ZNF282: variants seen among roughly 807,000 people sequenced by gnomAD.
ZNF282 encodes the protein zinc finger protein 282.
In ZNF282, 30 loss-of-function variants were observed where a neutral mutation model predicts 61.9. The ratio of observed to expected loss-of-function variants is 0.48; its 90% confidence interval spans 0.36 to 0.66. ZNF282 has a LOEUF of 0.66. Among genes scored for constraint, ZNF282 ranks in the 30% least tolerant of loss-of-function variants. The probability of loss-of-function intolerance (pLI) is 0.00; values close to 1 mark genes in which losing one functional copy is unlikely to be tolerated. For synonymous variants in ZNF282, 396 were observed against 405.0 expected, an observed-to-expected ratio of 0.98 and a Z score of 0.27; for missense variants, 788 against 941.4, an observed-to-expected ratio of 0.84 and a Z score of 2.13.
intron 7 of ZNF282, 69 bp from the exon 8 acceptor site, chr7:149,223,743 C>G (rs977528519): frequency 2.2e-6 from 3 of 1,385,866 alleles, no homozygotes; most frequent in East Asian, 5.7e-5. Context: ...CCTGGGCCCC[C>G]CTTCGGGAGC....
At chr7:149,202,269 C>T (rs1177306909) in intron 2 of ZNF282, among the ~76,000 whole-genome samples, 5 of 151,314 alleles carry the variant, frequency 3.3e-5, no homozygotes, top group South Asian at 2.1e-4. Flanking sequence ...CTCAGCCTCC[C>T]GAGTAGCTGG....
At chr7:149,208,983 C>T (rs2693316) in intron 4 of ZNF282, among the ~76,000 whole-genome samples, 109,811 of 133,898 alleles carry the variant, frequency 0.82, 45,658 homozygotes, top group East Asian at 0.96. Context: ...ATTGTGTCAC[C>T]GCACTCCAGC....
At position 149,223,953 on chromosome 7, in the gene ZNF282, G is replaced by C; in HGVS notation, c.1322G>C (p.Gly441Ala). The C allele has an allele frequency of 7.7e-7, 1 of 1,303,858 alleles. No homozygotes were observed. 80.8% of individuals were successfully genotyped at this position (1,303,858 alleles called of 1,614,324 possible). The change falls in exon 8 of 8, where the codon GGC (glycine) becomes GCC (alanine). Residue 441 changes from glycine (G) to alanine (A), a missense_variant. Coordinates refer to ENST00000610704, the MANE Select transcript of ZNF282 (RefSeq NM_003575.4). ...PPIAVAENPG[G>A]PPSRGLLDDG... ...ATCGCGGTGGCCGAGAACCCGGGCGGCCCCCCGAGCCGAGGGCTGCTGGAC... is the reference window on the plus strand; with the variant it reads ...ATCGCGGTGGCCGAGAACCCGGGCGCCCCCCCGAGCCGAGGGCTGCTGGAC...
At chr7:149,218,757 C>T (rs990246639) in intron 7 of ZNF282, among the ~76,000 whole-genome samples, 16 of 151,804 alleles carry the variant, frequency 1.1e-4, no homozygotes, top group African/African-American at 3.4e-4. Flanking sequence ...AAATTCTGGG[C>T]TTCCCATCAC....
At chr7:149,195,929 G>C (rs1795808844) in intron 1 of ZNF282, among the ~76,000 whole-genome samples, 175 bp downstream of exon 1, 1 of 148,410 alleles carries the variant, frequency 6.7e-6, no homozygotes. Flanking sequence ...GGGCAGGACG[G>C]AGCGGGCCCG....
Position 149,224,598 on chromosome 7 carries a change from C to G in ZNF282, c.1967C>G (p.Pro656Arg), listed in dbSNP as rs918965843. Reference protein sequence around the residue: ...KDHLRVHSGGPGPGAPRQLPP... With the variant: ...KDHLRVHSGGRGPGAPRQLPP... ...CACCTGCGCGTGCACAGCGGCGGCC[C>G]GGGCCCCGGCGCCCCACGGCAGCTC... Residue 656 changes from proline (P) to arginine (R), a missense_variant, in exon 8 of 8, where the codon CCG (proline) becomes CGG (arginine). Coordinates refer to ENST00000610704, the MANE Select transcript of ZNF282 (RefSeq NM_003575.4). The G allele has an allele frequency of 1.3e-6, 2 of 1,562,314 alleles. No individual in the cohort carries two copies. Among genetic ancestry groups the G allele is most frequent in the Non-Finnish European group, 1.7e-6 (2 of 1,158,792 alleles).
chr7:149,216,739 C>T (rs987692064), intron 7 of ZNF282, among the ~76,000 whole-genome samples: 2 of 152,134 alleles, frequency 1.3e-5, no homozygotes, highest in African/African-American at 4.8e-5. Context: ...AGTGCAGACA[C>T]GGGATACCTG....
Position 149,199,464 on chromosome 7 carries a change from C to A in ZNF282, c.585+712C>A, listed in dbSNP as rs73477954. ...CTCCTCTGAGTCATCAGCTCTCCCCCCTCTGCTGGGCTATTCCCACCAGCA... is the reference window on the plus strand; with the variant it reads ...CTCCTCTGAGTCATCAGCTCTCCCCACTCTGCTGGGCTATTCCCACCAGCA... On this transcript the variant is annotated intron_variant, in intron 2 of 7. Coordinates refer to ENST00000610704, the MANE Select transcript of ZNF282 (RefSeq NM_003575.4). Among the ~76,000 whole-genome samples the A allele has an allele frequency of 4.9e-4, 75 of 152,172 alleles. No individual in the cohort carries two copies. The South Asian group carries it at 7.0e-3, about 14-fold the overall frequency.
At position 149,224,000 on chromosome 7, in the gene ZNF282, G is replaced by A. The variant is rs1481022718; in HGVS notation, c.1369G>A (p.Gly457Arg). 15 of 1,244,152 alleles carry A rather than the reference G, an allele frequency of 1.2e-5. No individual in the cohort carries two copies. Among genetic ancestry groups the A allele is most frequent in the Non-Finnish European group, 1.5e-5 (15 of 993,892 alleles). The allele number at this position is 1,244,152 out of a possible 1,614,324, so 77.1% of individuals were successfully genotyped here. A position where few individuals can be genotyped will look rare whatever the true frequency, so the allele number is the denominator to read the frequency against. Residue 457 changes from glycine to arginine, a missense_variant, in exon 8 of 8, where the codon GGG becomes AGG. Around this residue, in one of 3 missense-constraint regions of ZNF282, gnomAD observed 559 missense variants for 642.0 expected, o/e 0.87. Coordinates refer to ENST00000610704, the MANE Select transcript of ZNF282 (RefSeq NM_003575.4). Reference sequence around the variant, plus strand: ...GGACGACGGTTTCCAGGTGCTGCCCGGGGAGCGTGGCTCCGGCGAGGCGCC... The same window carrying A: ...GGACGACGGTTTCCAGGTGCTGCCCAGGGAGCGTGGCTCCGGCGAGGCGCC... ...LLDDGFQVLP[G>R]ERGSGEAPPG...
intron 7 of ZNF282, among the ~76,000 whole-genome samples, chr7:149,219,975 G>A (rs1419538706): frequency 6.6e-6 from 1 of 152,178 alleles, no homozygotes; most frequent in Non-Finnish European, 1.5e-5. Flanking sequence ...CTATGAAAAG[G>A]AACAGAAATG....
chr7:149,223,249 C>G (rs986878072), intron 7 of ZNF282, among the ~76,000 whole-genome samples: 1 of 151,894 alleles, frequency 6.6e-6, no homozygotes, highest in African/African-American at 2.4e-5. Flanking sequence ...GCTGGGATTA[C>G]AGGCGTGAGC....
In ZNF282 at chr7:149,224,138, G is replaced by A. The variant is rs1204505835; in HGVS notation, c.1507G>A (p.Gly503Arg). 59 of 1,486,042 alleles carry A rather than the reference G, an allele frequency of 4.0e-5. No homozygotes were observed. Among genetic ancestry groups the A allele is most frequent in the Non-Finnish European group, 5.1e-5 (57 of 1,122,684 alleles). 92.1% of individuals were successfully genotyped at this position (1,486,042 alleles called of 1,614,324 possible). ...GGGCGSCCPG[G>R]LRRSLLLHGA... ...CGGCTGTGGCAGCTGCTGCCCTGGC[G>A]GGCTGCGGCGGAGCCTCCTCCTGCA... Residue 503 changes from glycine (G) to arginine (R), a missense_variant, in exon 8 of 8, where the codon GGG becomes AGG. By Grantham distance (125) the Gly-to-Arg change is moderately radical. Transcript: ENST00000610704.
intron 7 of ZNF282, among the ~76,000 whole-genome samples, chr7:149,219,749 A>G (rs565817330): frequency 6.6e-6 from 1 of 152,204 alleles, no homozygotes; most frequent in African/African-American, 2.4e-5. Flanking sequence ...TGGGAGGCTG[A>G]GGCAAGAGAA....
rs769351947 is a variant in ZNF282, at chr7:149,224,601, G to A, written c.1970G>A (p.Gly657Asp). 9 of 1,559,952 alleles carry A rather than the reference G, an allele frequency of 5.8e-6. No individual in the cohort carries two copies. The highest frequency in any genetic ancestry group is 7.8e-6 in the Non-Finnish European group (9 of 1,157,754). Residue 657 changes from glycine (G) to aspartate (D), a missense_variant, in exon 8 of 8, where the codon GGC becomes GAC. This residue lies in a region of ZNF282 where 559 missense variants were observed against 642.0 expected (regional missense o/e 0.87). Coordinates refer to ENST00000610704, the MANE Select transcript of ZNF282 (RefSeq NM_003575.4). ...DHLRVHSGGP[G>D]PGAPRQLPPP... ...CTGCGCGTGCACAGCGGCGGCCCGG[G>A]CCCCGGCGCCCCACGGCAGCTCCCG...
intron 2 of ZNF282, among the ~76,000 whole-genome samples, chr7:149,202,943 G>T (rs972150838): frequency 6.6e-6 from 1 of 152,070 alleles, no homozygotes; most frequent in Non-Finnish European, 1.5e-5. Context: ...TCCTGGCAGG[G>T]ACTGGGTCTT....
In ZNF282 at chr7:149,198,562, A is replaced by T. The variant is rs1339287544; in HGVS notation, c.395A>T (p.Lys132Met). 2 of 1,614,094 alleles carry T rather than the reference A, an allele frequency of 1.2e-6. No individual in the cohort carries two copies. The highest frequency in any genetic ancestry group is 1.7e-6 in the Non-Finnish European group (2 of 1,180,046). ...GGGCGCACGGGGACAGCCGAGAAGA[A>T]GCTGGCCGACTGTGAAAAGACGGCC... ...LEGRTGTAEK[K>M]LADCEKTAVE... The change falls in exon 2 of 8, where the codon AAG becomes ATG. Residue 132 changes from lysine (K) to methionine (M), a missense_variant. By Grantham distance (95) the Lys-to-Met change is moderately conservative (BLOSUM62 -1). This residue lies in a region of ZNF282 where 92 missense variants were observed against 163.9 expected (regional missense o/e 0.56). Transcript: ENST00000610704. The surrounding 1 kb of genome is among the most constrained non-coding windows in gnomAD (Gnocchi z 4.3).
chr7:149,197,115 C>A (rs1407915262), intron 1 of ZNF282, among the ~76,000 whole-genome samples: 1 of 152,254 alleles, frequency 6.6e-6, no homozygotes, highest in Non-Finnish European at 1.5e-5. Context: ...CAGCCTCAAC[C>A]AGCCCCCCTT....
intron 7 of ZNF282, among the ~76,000 whole-genome samples, chr7:149,220,748 C>T (rs1344271642): frequency 1.3e-5 from 2 of 151,718 alleles, no homozygotes; most frequent in African/African-American, 4.8e-5. Flanking sequence ...GCATGTGAAT[C>T]ACTTACCAGC....
At position 149,224,131 on chromosome 7, in the gene ZNF282, C is replaced by T; in HGVS notation, c.1500C>T (p.Cys500=). The change falls in exon 8 of 8, where the codon TGC becomes TGT. Residue 500 remains cysteine, a synonymous_variant. Coordinates refer to ENST00000610704, the MANE Select transcript of ZNF282 (RefSeq NM_003575.4). ...CAGGCGGCGGCTGTGGCAGCTGCTG[C>T]CCTGGCGGGCTGCGGCGGAGCCTCC... ...TGAGGGCGSC[C]PGGLRRSLLL... is the part of the protein sequence containing the mutation. 1.4e-6 allele frequency: 2 copies of T among 1,476,696 alleles called. No homozygotes were observed. Among genetic ancestry groups the T allele is most frequent in the South Asian group, 1.3e-5 (1 of 74,150 alleles). 91.5% of individuals were successfully genotyped at this position (1,476,696 alleles called of 1,614,324 possible).
Sources: allele counts gnomAD v4.1 joint callset (sites outside exome capture counted in the v4.1 genomes callset), GRCh38; gene constraint gnomAD v4.1.1; regional missense constraint gnomAD v4.1.1; non-coding constraint Gnocchi (gnomAD v3.1); transcripts MANE v1.5; gene names NCBI Gene and HGNC (gene_info 2026-07-23, HGNC 2026-07-21).